Variants in PDK1 observed in about 807,000 individuals in gnomAD.
PDK1 encodes the protein [Pyruvate dehydrogenase (acetyl-transferring)] kinase isozyme 1, mitochondrial.
In PDK1, 39 loss-of-function variants were observed where a neutral mutation model predicts 54.2. The observed-to-expected ratio is 0.72, with a 90% confidence interval of 0.56 to 0.94. The LOEUF is 0.94. Ranked by LOEUF, PDK1 falls within the 40% of genes least tolerant of loss-of-function variation. The pLI, the probability that PDK1 is intolerant of heterozygous loss-of-function variation, is 0.00. For missense variants in PDK1, 552 were observed against 566.0 expected, an observed-to-expected ratio of 0.98 and a Z score of 0.25; for synonymous variants, 221 against 207.1, an observed-to-expected ratio of 1.07 and a Z score of -0.58.
the PDK1 span, among the ~76,000 whole-genome samples, chr2:172,670,079 G>T: frequency 3.3e-3 from 498 of 152,164 alleles, 4 homozygotes; most frequent in African/African-American, 0.011. Context: ...TAGAGACAGG[G>T]TCTTGCTCTC....
At chr2:172,557,602 T>G (rs1688407923) in intron 1 of PDK1, among the ~76,000 whole-genome samples, 1 of 146,372 alleles carries the variant, frequency 6.8e-6, no homozygotes, top group Non-Finnish European at 1.5e-5. Flanking sequence ...GCACTTACTC[T>G]TTTTTCCCGT....
chr2:172,659,495 T>A, the PDK1 span, among the ~76,000 whole-genome samples: 1 of 152,220 alleles, frequency 6.6e-6, no homozygotes, highest in East Asian at 1.9e-4. Flanking sequence ...ATTTGTATGC[T>A]TTTCTTCTGT....
the PDK1 span, among the ~76,000 whole-genome samples, chr2:172,704,420 T>C: frequency 6.6e-6 from 1 of 152,198 alleles, no homozygotes; most frequent in Non-Finnish European, 1.5e-5. Flanking sequence ...TACTTTCTCA[T>C]TTCTTCTCAG....
rs1485116997 is a variant in PDK1 at position 172,574,258 on chromosome 2, T to G, written c.945+3434T>G. ...TGCTCATAAATGTATGGGATTTATT[T>G]CTGGATTTTCAGTTCTATTTCATTG... is the stretch of plus-strand genomic sequence containing the variant. On this transcript the variant is annotated intron_variant, in intron 8 of 10. Coordinates refer to ENST00000282077, the MANE Select transcript of PDK1 (RefSeq NM_002610.5). Among the ~76,000 whole-genome samples the G allele has an allele frequency of 2.0e-5, 3 of 152,246 alleles. No individual in the cohort carries two copies. In the East Asian group the frequency reaches 5.8e-4, roughly 29 times the overall value.
At chr2:172,593,164 T>C (rs1574534447) in intron 10 of PDK1, 116 bp downstream of exon 10, 1 of 525,020 alleles carries the variant, frequency 1.9e-6, no homozygotes, top group Admixed American at 3.5e-5. Context: ...AAAAAAACTA[T>C]GGTTTTTTGC....
At chr2:172,659,280 G>A in the PDK1 span, among the ~76,000 whole-genome samples, 1 of 152,122 alleles carries the variant, frequency 6.6e-6, no homozygotes, top group South Asian at 2.1e-4. Context: ...CCAAACTATA[G>A]CACAAATCTA....
chr2:172,680,530 T>C, the PDK1 span, among the ~76,000 whole-genome samples: 5 of 152,112 alleles, frequency 3.3e-5, no homozygotes, highest in East Asian at 7.8e-4. Context: ...TTTATTTATT[T>C]ATTTATTTAT....
At chr2:172,590,553 T>C (rs1690509222) in intron 9 of PDK1, among the ~76,000 whole-genome samples, 1 of 152,170 alleles carries the variant, frequency 6.6e-6, no homozygotes, top group Non-Finnish European at 1.5e-5. Context: ...GGGTTCATGG[T>C]CTCGCTGACT....
chr2:172,644,287 C>G, the PDK1 span, among the ~76,000 whole-genome samples: 2 of 152,252 alleles, frequency 1.3e-5, no homozygotes, highest in Non-Finnish European at 2.9e-5. Flanking sequence ...GCACCTCTGT[C>G]TGTAGTGTTT....
At chr2:172,644,899 AAC>A in the PDK1 span, among the ~76,000 whole-genome samples, 11 of 149,724 alleles carry the variant, frequency 7.3e-5, no homozygotes, top group Non-Finnish European at 1.5e-4. Flanking sequence ...TATGACCCTA[AAC>A]AAATTACTTA....
At position 172,596,081 on chromosome 2, in the gene PDK1, A is replaced by C. The variant is rs1457858921; in HGVS notation, c.*112A>C. On this transcript the variant is annotated 3_prime_UTR_variant, in exon 11 of 11. Transcript: ENST00000282077. ...CTTTATTTATCGTTTTCACAAAACT[A>C]TTTGAGTAGAATAAATGGAAACTGA... is the stretch of plus-strand genomic sequence containing the variant. The C allele has an allele frequency of 1.1e-6, 1 of 888,372 alleles. No individual in the cohort carries two copies. The highest frequency in any genetic ancestry group is 1.7e-6 in the Non-Finnish European group (1 of 603,566). 55.0% of individuals were successfully genotyped at this position (888,372 alleles called of 1,614,324 possible).
chr2:172,705,296 A>G, the PDK1 span, among the ~76,000 whole-genome samples: 2 of 152,344 alleles, frequency 1.3e-5, no homozygotes, highest in South Asian at 4.1e-4. Flanking sequence ...TTAAGGTCCA[A>G]CAGTCCCTTT....
intron 5 of PDK1, among the ~76,000 whole-genome samples, chr2:172,565,808 C>T (rs912952678): frequency 6.6e-6 from 1 of 152,188 alleles, no homozygotes; most frequent in Non-Finnish European, 1.5e-5. Flanking sequence ...TACAAGTTTA[C>T]AGACATCTTG....
chr2:172,651,834 C>A, the PDK1 span, among the ~76,000 whole-genome samples: 1 of 152,050 alleles, frequency 6.6e-6, no homozygotes. Context: ...TAATAGCCTA[C>A]CAACCAAAAA....
the PDK1 span, among the ~76,000 whole-genome samples, chr2:172,693,051 T>C: frequency 6.6e-6 from 1 of 152,214 alleles, no homozygotes; most frequent in Non-Finnish European, 1.5e-5. Context: ...CCTGACCAGA[T>C]TTATGCTTCA....
chr2:172,655,582 C>A, the PDK1 span, among the ~76,000 whole-genome samples: 1 of 152,208 alleles, frequency 6.6e-6, no homozygotes, highest in Admixed American at 6.5e-5. Context: ...ATTCTGGAAG[C>A]AGCATGGTGG....
chr2:172,654,552 T>C, the PDK1 span, among the ~76,000 whole-genome samples: 1 of 150,906 alleles, frequency 6.6e-6, no homozygotes, highest in South Asian at 2.1e-4. Flanking sequence ...TAGGTGGGAA[T>C]TGAACAATGA....
the PDK1 span, among the ~76,000 whole-genome samples, chr2:172,681,218 G>T: frequency 6.6e-6 from 1 of 152,206 alleles, no homozygotes; most frequent in Non-Finnish European, 1.5e-5. Flanking sequence ...GGAGTGAAAA[G>T]AAGTTAAGCG....
chr2:172,702,379 G>T, the PDK1 span, among the ~76,000 whole-genome samples: 1 of 151,960 alleles, frequency 6.6e-6, no homozygotes, highest in Non-Finnish European at 1.5e-5. Flanking sequence ...CGGGAGGCTG[G>T]GGCAGAAGAA....
Sources: allele counts gnomAD v4.1 joint callset (sites outside exome capture counted in the v4.1 genomes callset), GRCh38; gene constraint gnomAD v4.1.1; transcripts MANE v1.5; gene names NCBI Gene and HGNC (gene_info 2026-07-23, HGNC 2026-07-21).